Variants in PRKCA observed in about 807,000 individuals in gnomAD.
PRKCA encodes the protein protein kinase C alpha type.
A neutral mutation model predicts 87.0 loss-of-function variants in PRKCA; 27 were observed. The ratio of observed to expected loss-of-function variants is 0.31; its 90% CI spans 0.23 to 0.43. PRKCA has a LOEUF of 0.43. Among genes scored for constraint, PRKCA ranks in the 20% least tolerant of loss-of-function variants. PRKCA has a pLI of 1.00. For synonymous variants in PRKCA, 329 were observed against 311.1 expected (o/e 1.06, Z -0.61); for missense variants, 518 against 852.3 (o/e 0.61, Z 4.88).
At chr17:66,699,681 G>A (rs1420171267) in intron 8 of PRKCA, among the ~76,000 whole-genome samples, 1 of 152,214 alleles carries the variant, frequency 6.6e-6, no homozygotes, top group Non-Finnish European at 1.5e-5. Context: ...CAAACTCCTG[G>A]GCTCAAGCAA....
intron 2 of PRKCA, among the ~76,000 whole-genome samples, chr17:66,409,504 T>A (rs926717601): frequency 3.3e-5 from 5 of 152,208 alleles, no homozygotes; most frequent in Admixed American, 1.3e-4. Flanking sequence ...GTACAATATA[T>A]GCTGTCACTC....
At chr17:66,321,887 G>C (rs1905691975) in intron 2 of PRKCA, among the ~76,000 whole-genome samples, 1 of 152,158 alleles carries the variant, frequency 6.6e-6, no homozygotes, top group South Asian at 2.1e-4. Flanking sequence ...GAGGGGACTT[G>C]TATTTGTTCC....
chr17:66,579,336 T>C (rs532436210), intron 3 of PRKCA, among the ~76,000 whole-genome samples: 1 of 151,998 alleles, frequency 6.6e-6, no homozygotes, highest in African/African-American at 2.4e-5. Context: ...AGGAAATAGG[T>C]GGAGAAAGAG....
intron 2 of PRKCA, among the ~76,000 whole-genome samples, chr17:66,449,749 G>A (rs1453093599): frequency 6.6e-6 from 1 of 152,158 alleles, no homozygotes; most frequent in Non-Finnish European, 1.5e-5. Context: ...TTGTTTTTGG[G>A]TGTGCACCTG....
chr17:66,533,281 G>A (rs534256295), intron 3 of PRKCA, among the ~76,000 whole-genome samples: 18 of 152,166 alleles, frequency 1.2e-4, no homozygotes, highest in Non-Finnish European at 2.5e-4. Context: ...TTTGGTTTGC[G>A]TAAAAGAAGA....
At chr17:66,342,430 T>A (rs151166086) in intron 2 of PRKCA, among the ~76,000 whole-genome samples, 11,049 of 125,144 alleles carry the variant, frequency 0.088, 498 homozygotes, top group African/African-American at 0.14. Flanking sequence ...TCAAAAAAAA[T>A]AAAATAAAAT....
chr17:66,462,776 G>A (rs1449737785), intron 2 of PRKCA, among the ~76,000 whole-genome samples: 1 of 152,124 alleles, frequency 6.6e-6, no homozygotes, highest in African/African-American at 2.4e-5. Context: ...ATATGTCATA[G>A]CTAAGAGGAA....
At chr17:66,561,036 T>C (rs1001547809) in intron 3 of PRKCA, among the ~76,000 whole-genome samples, 2 of 152,174 alleles carry the variant, frequency 1.3e-5, no homozygotes, top group African/African-American at 4.8e-5. Context: ...TGCGGGGATC[T>C]GAAGTACTAG....
chr17:66,440,150 A>G (rs1913652556), intron 2 of PRKCA, among the ~76,000 whole-genome samples: 1 of 152,210 alleles, frequency 6.6e-6, no homozygotes, highest in Non-Finnish European at 1.5e-5. Context: ...CCTAGATCCA[A>G]GTCATTGACT....
chr17:66,400,804 A>G (rs1390772040), intron 2 of PRKCA, among the ~76,000 whole-genome samples: 1 of 152,190 alleles, frequency 6.6e-6, no homozygotes, highest in Non-Finnish European at 1.5e-5. Context: ...TAGCCATCCT[A>G]ATGGGCATGA....
intron 8 of PRKCA, among the ~76,000 whole-genome samples, chr17:66,700,275 C>A (rs1301731414): frequency 1.3e-5 from 2 of 152,130 alleles, no homozygotes; most frequent in Admixed American, 1.3e-4. Flanking sequence ...TAAAAACTCT[C>A]AACAAATTAG....
intron 8 of PRKCA, among the ~76,000 whole-genome samples, chr17:66,699,569 C>T (rs1973012235): frequency 6.6e-6 from 1 of 152,250 alleles, no homozygotes. Flanking sequence ...CCAATGCCTA[C>T]TGGCTTCACT....
At chr17:66,358,196 G>T (rs1908177814) in intron 2 of PRKCA, among the ~76,000 whole-genome samples, 1 of 152,026 alleles carries the variant, frequency 6.6e-6, no homozygotes, top group East Asian at 1.9e-4. Flanking sequence ...TTAGCGTTGG[G>T]ATGGGATTTG....
rs374152345 is a variant in PRKCA, at chr17:66,330,326, C to T, written c.205+24199C>T. On this transcript the variant is annotated intron_variant, in intron 2 of 16. Coordinates refer to ENST00000413366, the MANE Select transcript of PRKCA (RefSeq NM_002737.3). ...TTCGCCATCTCGGCTAGGTTGGTCTCGAGCTCCTGACCTCAGGTGATCCCC... is the reference window on the plus strand; with the variant it reads ...TTCGCCATCTCGGCTAGGTTGGTCTTGAGCTCCTGACCTCAGGTGATCCCC... 3.5e-4 allele frequency among the ~76,000 whole-genome samples: 53 copies of T among 152,090 alleles called. 1 individual carries two copies. The South Asian group carries it at 9.2e-3, about 26-fold the overall frequency.
intron 2 of PRKCA, among the ~76,000 whole-genome samples, chr17:66,427,545 G>A (rs1424777994): frequency 6.6e-6 from 1 of 152,206 alleles, no homozygotes; most frequent in Non-Finnish European, 1.5e-5. Flanking sequence ...TTTATTTGTA[G>A]CCAAAGCCTG....
chr17:66,563,659 A>G (rs1241182697), intron 3 of PRKCA, among the ~76,000 whole-genome samples: 1 of 152,186 alleles, frequency 6.6e-6, no homozygotes, highest in Non-Finnish European at 1.5e-5. Context: ...AAGGGCCACA[A>G]AATATCTCAT....
chr17:66,314,873 ATATGTG>A (rs1165619037), intron 2 of PRKCA, among the ~76,000 whole-genome samples: 3 of 108,694 alleles, frequency 2.8e-5, no homozygotes, highest in Admixed American at 1.1e-4. Context: ...AGATATATAT[ATATGTG>A]TGTGTGTGTG....
chr17:66,451,126 C>A (rs1308010310), intron 2 of PRKCA, among the ~76,000 whole-genome samples: 1 of 152,134 alleles, frequency 6.6e-6, no homozygotes, highest in East Asian at 1.9e-4. Flanking sequence ...CAAGTAATAT[C>A]TTAATTTAAA....
intron 16 of PRKCA, among the ~76,000 whole-genome samples, chr17:66,799,364 ATGGTGG>A (rs1201149047): frequency 9.3e-4 from 1 of 1,076 alleles, no homozygotes; most frequent in Non-Finnish European, 1.4e-3. Context: ...GGTGGTGGTG[ATGGTGG>A]TGGTGGTGGT....
Sources: allele counts gnomAD v4.1 joint callset (sites outside exome capture counted in the v4.1 genomes callset), GRCh38; gene constraint gnomAD v4.1.1; transcripts MANE v1.5; gene names NCBI Gene and HGNC (gene_info 2026-07-23, HGNC 2026-07-21).